The following TEKT3 variants were observed in gnomAD, a reference collection of about 807,000 sequenced individuals.
TEKT3 encodes the protein tektin-3.
TEKT3 carries 49 observed loss-of-function variants against 49.8 expected under a neutral mutation model. That is an observed-to-expected ratio of 0.98 (90% confidence interval 0.78 to 1.25). The LOEUF is 1.25. TEKT3 is among the 50% of genes most tolerant of loss of function. The probability of loss-of-function intolerance (pLI) is 0.00; values close to 1 mark genes in which losing one functional copy is unlikely to be tolerated. For synonymous variants in TEKT3, 225 were observed against 237.2 expected, an observed-to-expected ratio of 0.95 and a Z score of 0.47; for missense variants, 595 against 629.5, an observed-to-expected ratio of 0.95 and a Z score of 0.59.
chr17:15,311,639 T>G (rs551747262), intron 7 of TEKT3, among the ~76,000 whole-genome samples: 44 of 152,324 alleles, frequency 2.9e-4, no homozygotes, highest in Non-Finnish European at 4.4e-4. Flanking sequence ...AATTATTTTT[T>G]GTCAATTTTA....
intron 5 of TEKT3, among the ~76,000 whole-genome samples, chr17:15,317,355 C>G (rs1031409037): frequency 1.3e-5 from 2 of 152,166 alleles, no homozygotes; most frequent in Non-Finnish European, 2.9e-5. Context: ...GCAGCAGATT[C>G]CAGACTACGA....
chr17:15,343,222 A>AC (rs1196344412), upstream of TEKT3, among the ~76,000 whole-genome samples: 1 of 152,234 alleles, frequency 6.6e-6, no homozygotes, highest in African/African-American at 2.4e-5. Context: ...AACAGGTGAA[A>AC]TTATAGCAGA....
intron 4 of TEKT3, among the ~76,000 whole-genome samples, chr17:15,324,240 A>T (rs1381906108): frequency 6.6e-6 from 1 of 152,356 alleles, no homozygotes; most frequent in East Asian, 1.9e-4. Context: ...TAATGTTTTC[A>T]ATATTCATCC....
At chr17:15,309,893 C>T (rs1910699829) in intron 7 of TEKT3, among the ~76,000 whole-genome samples, 1 of 152,164 alleles carries the variant, frequency 6.6e-6, no homozygotes, top group African/African-American at 2.4e-5. Context: ...TTCCAACTCC[C>T]TCCTTTCCAA....
chr17:15,310,684 C>T (rs1372519164), intron 7 of TEKT3, among the ~76,000 whole-genome samples: 1 of 152,082 alleles, frequency 6.6e-6, no homozygotes, highest in East Asian at 1.9e-4. Flanking sequence ...AATTCATTAC[C>T]ACAGTCTGTG....
At position 15,314,177 on chromosome 17, in the gene TEKT3, GT is replaced by G. The variant is rs1555529691; in HGVS notation, c.787del (p.Thr263ArgfsTer59). ...GCATTTGTCGTCGATCCGGTAAGCCGTCTGTTTGTCACTCAGGTCCTTTTCC... is the reference window on the plus strand; with the variant it reads ...GCATTTGTCGTCGATCCGGTAAGCCGCTGTTTGTCACTCAGGTCCTTTTCC... ...ELEKDLSDKQ[T>X]AYRIDDKCHH... is the part of the protein sequence containing the mutation. On this transcript the variant is annotated frameshift_variant, in exon 6 of 9. Coordinates refer to ENST00000395930, the MANE Select transcript of TEKT3 (RefSeq NM_031898.3). LOFTEE classifies it high-confidence loss of function. 1 of 1,614,208 alleles carries G rather than the reference GT, an allele frequency of 6.2e-7. No homozygotes were observed.
intron 6 of TEKT3, among the ~76,000 whole-genome samples, 155 bp from the exon 7 acceptor site, chr17:15,312,636 A>G (rs1910822334): frequency 6.6e-6 from 1 of 152,134 alleles, no homozygotes; most frequent in African/African-American, 2.4e-5. Flanking sequence ...CTTATTTTCA[A>G]CTTTCCTTAA....
intron 8 of TEKT3, among the ~76,000 whole-genome samples, chr17:15,306,253 AAAGT>A (rs1316483666): frequency 5.3e-5 from 8 of 152,248 alleles, no homozygotes; most frequent in African/African-American, 1.9e-4. Context: ...TTTTTAAATA[AAAGT>A]AAGTCTTGAA....
intron 7 of TEKT3, 57 bp from the exon 8 acceptor site, chr17:15,308,875 C>T: frequency 1.3e-6 from 2 of 1,587,032 alleles, no homozygotes; most frequent in Admixed American, 1.7e-5. Context: ...CAACAACCCG[C>T]CTCCCACCTC....
At chr17:15,309,448 A>G (rs7217840) in intron 7 of TEKT3, among the ~76,000 whole-genome samples, 7,437 of 152,110 alleles carry the variant, frequency 0.049, 579 homozygotes, top group African/African-American at 0.17. Context: ...TTGCGTAAAC[A>G]TGGATCCCCC....
At chr17:15,338,081 A>G (rs1597422895) in intron 2 of TEKT3, among the ~76,000 whole-genome samples, 3 of 152,216 alleles carry the variant, frequency 2.0e-5, no homozygotes, top group Non-Finnish European at 4.4e-5. Flanking sequence ...AATTGACAGA[A>G]CTAAAATGAG....
At chr17:15,308,956 C>CT (rs1305833794) in intron 7 of TEKT3, 138 bp from the exon 8 acceptor site, 13 of 1,056,614 alleles carry the variant, frequency 1.2e-5, no homozygotes, top group Non-Finnish European at 1.4e-5. Context: ...CCAAGACCGT[C>CT]TATCCTTTCC....
upstream of TEKT3, among the ~76,000 whole-genome samples, chr17:15,342,498 G>A (rs1366309244): frequency 1.3e-5 from 2 of 152,162 alleles, no homozygotes; most frequent in South Asian, 2.1e-4. Context: ...GGACGAGGCG[G>A]AGGGACTTGC....
At chr17:15,315,149 A>G (rs1910944961) in intron 5 of TEKT3, among the ~76,000 whole-genome samples, 1 of 152,242 alleles carries the variant, frequency 6.6e-6, no homozygotes, top group African/African-American at 2.4e-5. Flanking sequence ...GAGACAGCAC[A>G]TTCAATGAAT....
At chr17:15,319,947 T>G (rs1379897516) in intron 4 of TEKT3, among the ~76,000 whole-genome samples, 1 of 152,262 alleles carries the variant, frequency 6.6e-6, no homozygotes, top group Non-Finnish European at 1.5e-5. Context: ...TGGGACATTT[T>G]AAACTTGAAC....
At chr17:15,307,692 G>C (rs766136611) in intron 8 of TEKT3, among the ~76,000 whole-genome samples, 1 of 151,958 alleles carries the variant, frequency 6.6e-6, no homozygotes, top group Non-Finnish European at 1.5e-5. Context: ...GAATTTTATC[G>C]TGGAAGCAGA....
At chr17:15,308,856 T>C in intron 7 of TEKT3, 38 bp from the exon 8 acceptor site, 1 of 1,600,288 alleles carries the variant, frequency 6.2e-7, no homozygotes, top group Non-Finnish European at 8.6e-7. Context: ...GGCTTTGGTG[T>C]GGTCCCTTCA....
intron 4 of TEKT3, among the ~76,000 whole-genome samples, chr17:15,321,073 G>A (rs1911233479): frequency 6.6e-6 from 1 of 150,778 alleles, no homozygotes; most frequent in Non-Finnish European, 1.5e-5. Flanking sequence ...GCAGTGGCGC[G>A]ATCTCGGCTC....
In TEKT3 at chr17:15,325,994, A is replaced by G. The variant is rs145396093; in HGVS notation, c.663+1998T>C. Among the ~76,000 whole-genome samples the G allele has an allele frequency of 7.7e-4, 117 of 152,336 alleles. 3 individuals are homozygous for G. The East Asian group carries it at 0.022, about 29-fold the overall frequency. ...GGGACAGTGACTTTTACAGTAGATT[A>G]CAAAACCTTTCTGTAGTAGCCAAAG... is the stretch of plus-strand genomic sequence containing the variant. On this transcript the variant is annotated intron_variant, in intron 4 of 8. Transcript: ENST00000395930.
Sources: gnomAD v4.1 joint callset for allele counts (sites outside exome capture counted in the v4.1 genomes callset) on GRCh38, gnomAD v4.1.1 for gene constraint, MANE v1.5 for transcripts, NCBI Gene and HGNC (gene_info 2026-07-23, HGNC 2026-07-21) for gene names.